AGBL1: variants seen among roughly 807,000 people sequenced by gnomAD.
AGBL1 encodes AGBL carboxypeptidase 1, also known as cytosolic carboxypeptidase 4.
AGBL1 carries 130 observed loss-of-function variants against 118.9 expected under a neutral mutation model. The ratio of observed to expected loss-of-function variants is 1.09; its 90% CI spans 0.95 to 1.26. AGBL1 has a LOEUF of 1.26. AGBL1 is among the 50% of genes most tolerant of loss of function. AGBL1 has a pLI of 0.00. For synonymous variants in AGBL1, 555 were observed against 478.9 expected (o/e 1.16, Z -2.08); for missense variants, 1,584 against 1,298.1 (o/e 1.22, Z -3.38).
chr15:86,082,085 T>TCCTGG (rs1182234065), intron 1 of AGBL1, among the ~76,000 whole-genome samples: 1 of 152,254 alleles, frequency 6.6e-6, no homozygotes, highest in African/African-American at 2.4e-5. Context: ...TGACCTGGGT[T>TCCTGG]CCTGGCCTGG....
chr15:86,764,786 T>C (rs1439816657), intron 22 of AGBL1, among the ~76,000 whole-genome samples: 1 of 152,058 alleles, frequency 6.6e-6, no homozygotes, highest in African/African-American at 2.4e-5. Context: ...TTTAAACATC[T>C]TGGGCGTGAA....
chr15:86,838,180 T>TAA lies in AGBL1; in HGVS notation c.3159-68895_3159-68894dup, dbSNP rs36126026. ...AATTAGCCCTAATTGCTCTGTAACC[T>TAA]AAAAAAAAAAAAATCTTATGTTTAT... On this transcript the variant is annotated intron_variant, in intron 22 of 22. Coordinates refer to ENST00000614907, the MANE Select transcript of AGBL1 (RefSeq NM_001386094.1). Among the ~76,000 whole-genome samples, 673 of 146,132 alleles carry TAA rather than the reference T, an allele frequency of 4.6e-3. 13 individuals are homozygous for TAA. The highest frequency in any genetic ancestry group is 0.01 in the East Asian group (52 of 5,032).
intron 14 of AGBL1, among the ~76,000 whole-genome samples, chr15:86,271,242 T>C (rs1359634712): frequency 6.6e-6 from 1 of 151,842 alleles, no homozygotes; most frequent in Non-Finnish European, 1.5e-5. Context: ...TGTTGTGTTT[T>C]TAGTAGAGAT....
intron 22 of AGBL1, among the ~76,000 whole-genome samples, chr15:86,874,503 T>C (rs1012062157): frequency 3.3e-5 from 5 of 152,032 alleles, no homozygotes; most frequent in African/African-American, 1.2e-4. Context: ...GGCTCCCTTC[T>C]AGTTTGAGCA....
chr15:86,546,560 C>G (rs1341189743), intron 20 of AGBL1, among the ~76,000 whole-genome samples: 1 of 152,100 alleles, frequency 6.6e-6, no homozygotes, highest in Non-Finnish European at 1.5e-5. Context: ...GGAAGGAACA[C>G]AATGATACTG....
At chr15:86,690,312 G>C (rs1306298466) in intron 22 of AGBL1, among the ~76,000 whole-genome samples, 2 of 152,098 alleles carry the variant, frequency 1.3e-5, no homozygotes. Context: ...AACTCTTACT[G>C]ACTTGAGGAC....
chr15:86,848,306 T>C (rs1449170213), intron 22 of AGBL1, among the ~76,000 whole-genome samples: 1 of 152,208 alleles, frequency 6.6e-6, no homozygotes, highest in Non-Finnish European at 1.5e-5. Flanking sequence ...TTTTTTCTAA[T>C]TTTGTAGCTG....
chr15:86,876,681 C>G (rs1287237630), intron 22 of AGBL1, among the ~76,000 whole-genome samples: 1 of 152,176 alleles, frequency 6.6e-6, no homozygotes, highest in African/African-American at 2.4e-5. Flanking sequence ...CAACTCTGCC[C>G]TTGTAGCACA....
At chr15:86,967,156 C>G (rs2081063313) in intron 23 of AGBL1, among the ~76,000 whole-genome samples, 4 of 152,102 alleles carry the variant, frequency 2.6e-5, no homozygotes, top group Admixed American at 2.6e-4. Context: ...ATCCTTCACC[C>G]ACTTGTTGAT....
chr15:86,836,969 A>T (rs1432021748), intron 22 of AGBL1, among the ~76,000 whole-genome samples: 1 of 152,124 alleles, frequency 6.6e-6, no homozygotes, highest in Non-Finnish European at 1.5e-5. Context: ...CTCATACTAC[A>T]TATAATCTTC....
chr15:86,414,343 A>G (rs773112083), intron 18 of AGBL1, among the ~76,000 whole-genome samples: 4 of 152,210 alleles, frequency 2.6e-5, no homozygotes, highest in Non-Finnish European at 5.9e-5. Context: ...GAGAGAATGC[A>G]AAGAGTTCTG....
chr15:86,448,921 G>A (rs915960023), intron 18 of AGBL1, among the ~76,000 whole-genome samples: 2 of 152,164 alleles, frequency 1.3e-5, no homozygotes, highest in African/African-American at 4.8e-5. Flanking sequence ...GAATTTCATT[G>A]GCTGGCAAGA....
At chr15:86,103,836 G>A (rs909627441) in intron 1 of AGBL1, among the ~76,000 whole-genome samples, 1 of 152,234 alleles carries the variant, frequency 6.6e-6, no homozygotes, top group Non-Finnish European at 1.5e-5. Flanking sequence ...TGGGTCGCCA[G>A]GTGGCTTGCT....
intron 5 of AGBL1, among the ~76,000 whole-genome samples, chr15:86,196,734 G>C (rs1261178685): frequency 6.6e-6 from 1 of 152,134 alleles, no homozygotes; most frequent in Non-Finnish European, 1.5e-5. Context: ...TTAAGATGGG[G>C]TCTTTAGGAG....
chr15:86,735,241 C>T (rs930831931), intron 22 of AGBL1, among the ~76,000 whole-genome samples: 2 of 151,960 alleles, frequency 1.3e-5, no homozygotes, highest in East Asian at 1.9e-4. Flanking sequence ...GACACCGTGC[C>T]CAGCTAATTT....
intron 1 of AGBL1, chr15:86,087,959 T>G (rs1271176148): frequency 6.6e-6 from 1 of 152,314 alleles, no homozygotes; most frequent in Non-Finnish European, 1.5e-5. Context: ...GCCAAAAGGG[T>G]GCAGAACAGG....
chr15:86,891,191 T>C (rs538755749), intron 22 of AGBL1, among the ~76,000 whole-genome samples: 2 of 152,244 alleles, frequency 1.3e-5, no homozygotes, highest in East Asian at 3.9e-4. Flanking sequence ...TGCTTGCCTG[T>C]TGTTGGTGTA....
At chr15:86,583,247 A>T (rs926207046) in intron 21 of AGBL1, among the ~76,000 whole-genome samples, 5 of 152,078 alleles carry the variant, frequency 3.3e-5, no homozygotes, top group African/African-American at 1.2e-4. Context: ...TTGGGGTACA[A>T]TTCCTCCTGC....
chr15:86,779,009 G>A (rs182903090), intron 22 of AGBL1, among the ~76,000 whole-genome samples: 156 of 152,220 alleles, frequency 1.0e-3, no homozygotes, highest in African/African-American at 3.4e-3. Flanking sequence ...GGCTTCAGCC[G>A]GTCCCTCCCT....
Sources: gnomAD v4.1 joint callset for allele counts (sites outside exome capture counted in the v4.1 genomes callset) on GRCh38, gnomAD v4.1.1 for gene constraint, MANE v1.5 for transcripts, NCBI Gene and HGNC (gene_info 2026-07-23, HGNC 2026-07-21) for gene names.